The following SLC39A8 variants were observed in gnomAD, a reference collection of about 807,000 sequenced individuals.
SLC39A8 encodes the protein solute carrier family 39 member 8.
A neutral mutation model predicts 40.4 loss-of-function variants in SLC39A8; 15 were observed. The ratio of observed to expected loss-of-function variants is 0.37; its 90% CI spans 0.25 to 0.57. SLC39A8 has a LOEUF of 0.57. SLC39A8 is among the 20% of genes least tolerant of loss of function. SLC39A8 has a pLI of 0.75. For synonymous variants in SLC39A8, 223 were observed against 221.6 expected, an observed-to-expected ratio of 1.01 and a Z score of -0.06; for missense variants, 472 against 558.8, an observed-to-expected ratio of 0.84 and a Z score of 1.57.
In SLC39A8 at chr4:102,344,527, C is replaced by A. The variant is rs1736078855; in HGVS notation, c.136G>T (p.Ala46Ser). Residue 46 changes from alanine to serine, a missense_variant, in exon 2 of 9, where the codon GCG becomes TCG. Physicochemically the swap from Ala to Ser is moderately conservative, Grantham distance 99. This residue lies in a region of SLC39A8 where 175 missense variants were observed against 160.5 expected (regional missense o/e 1.09). Coordinates refer to ENST00000356736, the MANE Select transcript of SLC39A8 (RefSeq NM_001135146.2). The stretch of plus-strand genomic sequence containing the variant: ...TGCTCCAGCAAGTGCTGGAGCTGCG[C>A]CGCCGACAGGCTCAGATTCGCGCCG... ...VFGANLSLSA[A>S]QLQHLLEQMG... The A allele has an allele frequency of 1.3e-6, 2 of 1,559,442 alleles. No individual in the cohort carries two copies. Among genetic ancestry groups the A allele is most frequent in the East Asian group, 4.8e-5 (2 of 41,498 alleles).
chr4:102,312,613 G>A (rs1216096873), intron 3 of SLC39A8, among the ~76,000 whole-genome samples: 2 of 152,098 alleles, frequency 1.3e-5, no homozygotes, highest in African/African-American at 4.8e-5. Context: ...GCACAGAGTA[G>A]AGTATTTGCT....
intron 6 of SLC39A8, among the ~76,000 whole-genome samples, chr4:102,298,374 C>T (rs1286653717): frequency 6.6e-6 from 1 of 152,012 alleles, no homozygotes; most frequent in Admixed American, 6.6e-5. Context: ...ACAGCAAAGA[C>T]AACCCAGAAT....
chr4:102,291,477 T>C (rs1733438039), intron 6 of SLC39A8, among the ~76,000 whole-genome samples: 1 of 152,038 alleles, frequency 6.6e-6, no homozygotes, highest in African/African-American at 2.4e-5. Context: ...ACACCAGTTC[T>C]CTATCTTCAG....
chr4:102,313,645 A>G (rs1734539459), intron 3 of SLC39A8, among the ~76,000 whole-genome samples: 1 of 152,036 alleles, frequency 6.6e-6, no homozygotes, highest in Non-Finnish European at 1.5e-5. Flanking sequence ...GCTGGAGTAC[A>G]GTGGGGTAAT....
chr4:102,302,078 C>T (rs1368938234), intron 6 of SLC39A8, among the ~76,000 whole-genome samples: 2 of 151,976 alleles, frequency 1.3e-5, no homozygotes, highest in Non-Finnish European at 2.9e-5. Context: ...TGTATCTCTT[C>T]CGTGCTTTGT....
At chr4:102,260,157 A>C (rs1731808474), downstream of SLC39A8, among the ~76,000 whole-genome samples, 1 of 152,226 alleles carries the variant, frequency 6.6e-6, no homozygotes, top group Non-Finnish European at 1.5e-5. Flanking sequence ...AGTCATGAGA[A>C]TCCCTACAAA....
chr4:102,274,602 C>G (rs1349839096), intron 6 of SLC39A8, among the ~76,000 whole-genome samples: 2 of 152,122 alleles, frequency 1.3e-5, no homozygotes, highest in African/African-American at 2.4e-5. Context: ...ATACAGAGAA[C>G]ACCACTAAGA....
rs1400460175 is a variant in SLC39A8, at chr4:102,261,844, A to G, written c.*1200T>C. ...CTGAGATCATTGTTGGGCTTTGTCA[A>G]TCATTTTCCTCACCATCAAATCACC... On this transcript the variant is annotated 3_prime_UTR_variant, in exon 9 of 9. Coordinates refer to ENST00000356736, the MANE Select transcript of SLC39A8 (RefSeq NM_001135146.2). The G allele has an allele frequency of 8.1e-6, 8 of 985,580 alleles. No individual in the cohort carries two copies. The highest frequency in any genetic ancestry group is 9.6e-6 in the Non-Finnish European group (8 of 829,664). The allele number at this position is 985,580 out of a possible 1,614,324, so 61.1% of individuals were successfully genotyped here.
chr4:102,287,264 G>C (rs1733224803), intron 6 of SLC39A8, among the ~76,000 whole-genome samples: 2 of 152,080 alleles, frequency 1.3e-5, no homozygotes, highest in African/African-American at 4.8e-5. Context: ...TGGTAGGTCT[G>C]TTGCAACAGG....
At chr4:102,343,476 A>G (rs1351473322) in intron 2 of SLC39A8, among the ~76,000 whole-genome samples, 1 of 152,226 alleles carries the variant, frequency 6.6e-6, no homozygotes, top group Non-Finnish European at 1.5e-5. Flanking sequence ...GACAAACGAT[A>G]TGGAAAATAC....
At position 102,267,590 on chromosome 4, in the gene SLC39A8, A is replaced by G; in HGVS notation, c.1133T>C (p.Val378Ala). The G allele has an allele frequency of 6.2e-7, 1 of 1,614,120 alleles. No individual in the cohort carries two copies. Among genetic ancestry groups the G allele is most frequent in the Non-Finnish European group, 8.5e-7 (1 of 1,180,008 alleles). Residue 378 changes from valine to alanine, a missense_variant, in exon 8 of 9, where the codon GTT (valine) becomes GCT (alanine). Val to Ala is a moderately conservative substitution (Grantham distance 64, BLOSUM62 0). Transcript: ENST00000356736. ...CACCAAAATGCCAAAAGCTAGCCCA[A>G]CATAGCAGGAACATGCAGAAAGGAA... ...FNFLSACSCY[V>A]GLAFGILVGN...
intron 6 of SLC39A8, among the ~76,000 whole-genome samples, chr4:102,289,763 G>A (rs761775445): frequency 3.3e-5 from 5 of 152,156 alleles, no homozygotes; most frequent in Non-Finnish European, 7.4e-5. Context: ...AGATGGAAGT[G>A]AATTGCTGCA....
At chr4:102,314,248 T>A (rs992197817) in intron 3 of SLC39A8, among the ~76,000 whole-genome samples, 6 of 152,004 alleles carry the variant, frequency 3.9e-5, no homozygotes, top group African/African-American at 1.4e-4. Flanking sequence ...TCCCCACTTC[T>A]ACTTCCCCCA....
At position 102,279,001 on chromosome 4, in the gene SLC39A8, TG is replaced by T. The variant is rs1426438530; in HGVS notation, c.841-10923del. On this transcript the variant is annotated intron_variant, in intron 6 of 8. Coordinates refer to ENST00000356736, the MANE Select transcript of SLC39A8 (RefSeq NM_001135146.2). ...CACACACTGGGGCCTGTTAGTGGGG[TG>T]GGGGGCAAGGGGAGGGATAGCATTA... 6.7e-5 allele frequency among the ~76,000 whole-genome samples: 10 copies of T among 149,754 alleles called. No individual in the cohort carries two copies. The East Asian group carries it at 2.0e-3, about 29-fold the overall frequency.
chr4:102,312,604 C>T (rs1734480811), intron 3 of SLC39A8, among the ~76,000 whole-genome samples: 1 of 152,072 alleles, frequency 6.6e-6, no homozygotes, highest in South Asian at 2.1e-4. Context: ...AAGTAACCTG[C>T]ACAGAGTAGA....
intron 6 of SLC39A8, among the ~76,000 whole-genome samples, chr4:102,290,324 G>T (rs967636451): frequency 2.0e-5 from 3 of 152,138 alleles, no homozygotes; most frequent in African/African-American, 7.2e-5. Context: ...TGGGAAACCA[G>T]AAATCATGTG....
chr4:102,282,713 G>A (rs1433242844), intron 6 of SLC39A8, among the ~76,000 whole-genome samples: 1 of 152,034 alleles, frequency 6.6e-6, no homozygotes, highest in Non-Finnish European at 1.5e-5. Flanking sequence ...TAGTGATCAA[G>A]GCAGTTTTTT....
chr4:102,297,760 A>G (rs1055417732), intron 6 of SLC39A8, among the ~76,000 whole-genome samples: 2 of 151,956 alleles, frequency 1.3e-5, no homozygotes, highest in Non-Finnish European at 2.9e-5. Flanking sequence ...CTACACAAAA[A>G]AAATTTAGTT....
intron 2 of SLC39A8, among the ~76,000 whole-genome samples, chr4:102,328,768 G>C (rs1203520986): frequency 2.0e-5 from 3 of 152,182 alleles, no homozygotes; most frequent in South Asian, 2.1e-4. Flanking sequence ...GCTCACGCCT[G>C]TAATCCCAGC....
Sources: allele counts gnomAD v4.1 joint callset (sites outside exome capture counted in the v4.1 genomes callset), GRCh38; gene constraint gnomAD v4.1.1; regional missense constraint gnomAD v4.1.1; transcripts MANE v1.5; gene names NCBI Gene and HGNC (gene_info 2026-07-23, HGNC 2026-07-21).